Variants in ENOX1 observed in about 807,000 individuals in gnomAD.
ENOX1 encodes candidate growth-related and time keeping constitutive hydroquinone (NADH) oxidase.
Under a neutral mutation model 82.5 loss-of-function variants are expected in ENOX1, and 42 were observed. The ratio of observed to expected loss-of-function variants is 0.51; its 90% CI spans 0.40 to 0.66. ENOX1 has a LOEUF of 0.66. ENOX1 is among the 30% of genes least tolerant of loss of function. ENOX1 has a pLI of 0.00. For synonymous variants in ENOX1, 271 were observed against 282.2 expected (o/e 0.96, Z 0.40); for missense variants, 608 against 811.6 (o/e 0.75, Z 3.05).
At chr13:43,658,139 A>G (rs1594292674) in intron 2 of ENOX1, among the ~76,000 whole-genome samples, 1 of 152,228 alleles carries the variant, frequency 6.6e-6, no homozygotes, top group Non-Finnish European at 1.5e-5. Flanking sequence ...ATAAAAAGTT[A>G]TGTTTATGAA....
At chr13:43,605,146 G>A (rs906214842) in intron 2 of ENOX1, among the ~76,000 whole-genome samples, 3 of 151,892 alleles carry the variant, frequency 2.0e-5, no homozygotes, top group African/African-American at 7.2e-5. Context: ...AAATACTGAT[G>A]GAAGAAATTG....
chr13:43,760,720 T>C (rs534651219), intron 1 of ENOX1, among the ~76,000 whole-genome samples: 1 of 152,190 alleles, frequency 6.6e-6, no homozygotes, highest in East Asian at 1.9e-4. Flanking sequence ...ACTGTCATCA[T>C]ATATAAAGTA....
chr13:43,645,513 G>A (rs973282147), intron 2 of ENOX1, among the ~76,000 whole-genome samples: 1 of 152,116 alleles, frequency 6.6e-6, no homozygotes, highest in Non-Finnish European at 1.5e-5. Context: ...AGTACAAAAT[G>A]TATACTTTCA....
chr13:43,544,048 C>G (rs757481738), intron 2 of ENOX1: 1 of 151,186 alleles, frequency 6.6e-6, no homozygotes, highest in Non-Finnish European at 1.5e-5. Flanking sequence ...TCCTAAGTAG[C>G]TGGGATTACA....
intron 10 of ENOX1, among the ~76,000 whole-genome samples, chr13:43,324,067 T>C (rs1019095185): frequency 7.2e-5 from 11 of 152,186 alleles, no homozygotes; most frequent in African/African-American, 2.2e-4. Flanking sequence ...AATTTGATTA[T>C]GCCACCCAGA....
At chr13:43,437,448 C>T (rs532203775) in intron 3 of ENOX1, among the ~76,000 whole-genome samples, 2 of 152,254 alleles carry the variant, frequency 1.3e-5, no homozygotes, top group African/African-American at 4.8e-5. Context: ...GCAACTTTAT[C>T]GGGATTCAAT....
chr13:43,750,748 T>G (rs1950268792), intron 1 of ENOX1, among the ~76,000 whole-genome samples: 1 of 152,140 alleles, frequency 6.6e-6, no homozygotes, highest in Non-Finnish European at 1.5e-5. Context: ...AGTTGACACG[T>G]GGTGCATAAT....
intron 3 of ENOX1, among the ~76,000 whole-genome samples, chr13:43,441,699 T>G (rs2056367334): frequency 6.6e-6 from 1 of 151,768 alleles, no homozygotes; most frequent in Non-Finnish European, 1.5e-5. Context: ...ATCATCATCT[T>G]TGGGCAAATG....
chr13:43,327,860 T>C (rs899436342), intron 9 of ENOX1, among the ~76,000 whole-genome samples: 6 of 152,214 alleles, frequency 3.9e-5, no homozygotes, highest in African/African-American at 1.4e-4. Context: ...AATACTTTTC[T>C]ATGCTGATGA....
At chr13:43,684,033 C>A (rs139625528) in intron 1 of ENOX1, among the ~76,000 whole-genome samples, 92 of 142,348 alleles carry the variant, frequency 6.5e-4, no homozygotes, top group African/African-American at 2.2e-3. Context: ...GTAACCTACT[C>A]TGCAGTGAGC....
chr13:43,249,087 T>C (rs1301030982), intron 14 of ENOX1, among the ~76,000 whole-genome samples: 1 of 152,142 alleles, frequency 6.6e-6, no homozygotes, highest in Non-Finnish European at 1.5e-5. Flanking sequence ...TAAATTGTGG[T>C]CTCAAGCTGG....
chr13:43,431,418 G>C (rs1030329825), intron 3 of ENOX1, among the ~76,000 whole-genome samples: 14 of 151,996 alleles, frequency 9.2e-5, no homozygotes, highest in Non-Finnish European at 2.1e-4. Context: ...TGTCATCCCT[G>C]ACCTCTACCT....
intron 1 of ENOX1, among the ~76,000 whole-genome samples, chr13:43,714,097 G>T (rs1457355058): frequency 1.3e-5 from 2 of 149,220 alleles, no homozygotes; most frequent in Admixed American, 6.7e-5. Context: ...GCGTCCCAGA[G>T]ATTCTGGTAT....
chr13:43,691,649 A>C (rs1474778640), intron 1 of ENOX1, among the ~76,000 whole-genome samples: 1 of 149,516 alleles, frequency 6.7e-6, no homozygotes, highest in Non-Finnish European at 1.5e-5. Context: ...GTTCATTCCT[A>C]CTATATGTTT....
rs78550597 is a variant in ENOX1, at chr13:43,327,973, T to A, written c.1037-1448A>T. ...ACTTCAGGAGAATCCCAACCCCAAA[T>A]CTCCTTATTTAGCAAAACCTGTCAT... On this transcript the variant is annotated intron_variant, in intron 9 of 16. Transcript: ENST00000690772. Among the ~76,000 whole-genome samples, 7 of 152,274 alleles carry A rather than the reference T, an allele frequency of 4.6e-5. No individual in the cohort carries two copies. In the East Asian group the frequency reaches 1.4e-3, roughly 29 times the overall value.
At chr13:43,417,888 T>C (rs1194183389) in intron 3 of ENOX1, among the ~76,000 whole-genome samples, 1 of 152,186 alleles carries the variant, frequency 6.6e-6, no homozygotes, top group African/African-American at 2.4e-5. Flanking sequence ...AGCACAATAT[T>C]TCATTTTCCA....
chr13:43,703,607 T>C (rs2087048865), intron 1 of ENOX1, among the ~76,000 whole-genome samples: 1 of 152,210 alleles, frequency 6.6e-6, no homozygotes, highest in Admixed American at 6.5e-5. Context: ...TGAGAGTAGA[T>C]TTTATTCAGT....
chr13:43,652,896 G>T (rs769710454), intron 2 of ENOX1, among the ~76,000 whole-genome samples: 1 of 152,222 alleles, frequency 6.6e-6, no homozygotes, highest in Non-Finnish European at 1.5e-5. Flanking sequence ...ATTCAAAGCT[G>T]CCTGGGAGAT....
intron 1 of ENOX1, among the ~76,000 whole-genome samples, chr13:43,758,389 T>C (rs1014136004): frequency 6.6e-6 from 1 of 152,178 alleles, no homozygotes; most frequent in Non-Finnish European, 1.5e-5. Flanking sequence ...CTCGAAAGGC[T>C]GAACACTGTG....
Sources: gnomAD v4.1 joint callset for allele counts (sites outside exome capture counted in the v4.1 genomes callset) on GRCh38, gnomAD v4.1.1 for gene constraint, MANE v1.5 for transcripts, NCBI Gene and HGNC (gene_info 2026-07-23, HGNC 2026-07-21) for gene names.